The following DICER1 variants were observed in gnomAD, a reference collection of about 807,000 sequenced individuals.
DICER1 encodes the protein endoribonuclease Dicer.
In DICER1, 43 loss-of-function variants were observed where a neutral mutation model predicts 194.1. The ratio of observed to expected loss-of-function variants is 0.22; its 90% CI spans 0.17 to 0.29. The LOEUF is 0.29. Ranked by LOEUF, DICER1 falls within the 10% of genes least tolerant of loss-of-function variation. The pLI, the probability that DICER1 is intolerant of heterozygous loss-of-function variation, is 1.00. For missense variants in DICER1, 1,608 were observed against 2,317.0 expected, an observed-to-expected ratio of 0.69 and a Z score of 6.28; for synonymous variants, 832 against 820.5, an observed-to-expected ratio of 1.01 and a Z score of -0.24.
In DICER1 at chr14:95,094,122, C is replaced by A. The variant is rs769974404; in HGVS notation, c.5130G>T (p.Ala1710=). 6.2e-7 allele frequency: 1 copy of A among 1,614,110 alleles called. No homozygotes were observed. The highest frequency in any genetic ancestry group is 8.5e-7 in the Non-Finnish European group (1 of 1,180,026). The stretch of plus-strand genomic sequence containing the variant: ...GCTTGGTTATGAGGTAGTCCAAAAT[C>A]GCATCTCCCAGGAATTCTAAGCGCT... The part of the protein sequence containing the change: ...CYQRLEFLGD[A]ILDYLITKHL... Residue 1710 remains alanine (A), a synonymous_variant, in exon 24 of 27, where the codon GCG becomes GCT. Transcript: ENST00000343455.
In DICER1 at chr14:95,087,814, C is replaced by A. The variant is rs1889459273; in HGVS notation, c.*2684G>T. 1 of 233,246 alleles carries A rather than the reference C, an allele frequency of 4.3e-6. No homozygotes were observed. The highest frequency in any genetic ancestry group is 5.6e-5 in the Admixed American group (1 of 17,796). The allele number at this position is 233,246 out of a possible 1,614,324, so 14.4% of individuals were successfully genotyped here. A position where few individuals can be genotyped will look rare whatever the true frequency, so the allele number is the denominator to read the frequency against. ...CAGTCCTTTACACACGTGCTCAGGG[C>A]ACAACCACACCCCACTGGTAGGTTT... On this transcript the variant is annotated 3_prime_UTR_variant, in exon 27 of 27. Coordinates refer to ENST00000343455, the MANE Select transcript of DICER1 (RefSeq NM_177438.3).
intron 8 of DICER1, among the ~76,000 whole-genome samples, chr14:95,122,749 T>A (rs529033044): frequency 7.2e-5 from 11 of 152,318 alleles, no homozygotes; most frequent in African/African-American, 2.6e-4. Context: ...CTAATTTAAA[T>A]GTAATTTGGT....
intron 1 of DICER1, among the ~76,000 whole-genome samples, chr14:95,149,030 C>T (rs1895331816): frequency 6.6e-6 from 1 of 151,998 alleles, no homozygotes; most frequent in Admixed American, 6.5e-5. Flanking sequence ...CTCAAGTGAT[C>T]CTGCCATCTC....
At position 95,151,594 on chromosome 14, in the gene DICER1, G is replaced by A. The variant is rs989303081; in HGVS notation, c.-46+5636C>T. 2.6e-5 allele frequency among the ~76,000 whole-genome samples: 4 copies of A among 152,128 alleles called. No homozygotes were observed. The East Asian group carries it at 5.8e-4, about 22-fold the overall frequency. On this transcript the variant is annotated intron_variant, in intron 1 of 26. Transcript: ENST00000343455. ...CGTTGCCATATGCCCAGTGCTCATCGGCTATAAAGTCGAAGAATCAGGATT... is the reference window on the plus strand; with the variant it reads ...CGTTGCCATATGCCCAGTGCTCATCAGCTATAAAGTCGAAGAATCAGGATT...
intron 16 of DICER1, 42 bp from the exon 17 acceptor site, chr14:95,107,803 TAC>T (rs1386276909): frequency 6.2e-7 from 1 of 1,611,336 alleles, no homozygotes; most frequent in Non-Finnish European, 8.5e-7. Flanking sequence ...TAAAACATGA[TAC>T]AGATAAGTTT....
chr14:95,116,213 C>T (rs1278844799), intron 10 of DICER1, among the ~76,000 whole-genome samples: 1 of 152,212 alleles, frequency 6.6e-6, no homozygotes, highest in Non-Finnish European at 1.5e-5. Flanking sequence ...TCCCAAATAA[C>T]ATATGTGATG....
chr14:95,154,431 G>A (rs1006209088), intron 1 of DICER1, among the ~76,000 whole-genome samples: 4 of 152,186 alleles, frequency 2.6e-5, no homozygotes, highest in Admixed American at 2.0e-4. Flanking sequence ...ATTATTCACA[G>A]TAGCCAAAAG....
rs753796042 is a variant in DICER1 at position 95,115,782 on chromosome 14, C to T, written c.1792G>A (p.Glu598Lys). 13 of 1,614,038 alleles carry T rather than the reference C, an allele frequency of 8.1e-6. No individual in the cohort carries two copies. The highest frequency in any genetic ancestry group is 1.1e-5 in the Non-Finnish European group (13 of 1,180,028). ...TCCATGACAGGATCAATGTCAGTCT[C>T]ACCAGTATCAACCGACTTGGAACAC... ...NKCSKSVDTG[E>K]TDIDPVMDDD... is the part of the protein sequence containing the mutation. Residue 598 changes from glutamate (E) to lysine (K), a missense_variant, in exon 11 of 27, where the codon GAG becomes AAG. Physicochemically the swap from Glu to Lys is moderately conservative, Grantham distance 56 (BLOSUM62 1). Around this residue, in one of 10 missense-constraint regions of DICER1, gnomAD observed 657 missense variants for 910.1 expected, o/e 0.72. Transcript: ENST00000343455.
At chr14:95,123,048 T>G (rs1893082078) in intron 8 of DICER1, among the ~76,000 whole-genome samples, 2 of 152,152 alleles carry the variant, frequency 1.3e-5, no homozygotes, top group Admixed American at 1.3e-4. Context: ...GCAGAAAAGT[T>G]AGGGATCAAC....
At position 95,104,094 on chromosome 14, in the gene DICER1, G is replaced by C. The variant is rs779748717; in HGVS notation, c.3302C>G (p.Ser1101Cys). The change falls in exon 21 of 27, where the codon TCT (serine) becomes TGT (cysteine). Residue 1101 changes from serine (S) to cysteine (C), a missense_variant. Coordinates refer to ENST00000343455, the MANE Select transcript of DICER1 (RefSeq NM_177438.3). Reference protein sequence around the residue: ...YPNLDFGWKKSIDSKSFISIS... With the variant: ...YPNLDFGWKKCIDSKSFISIS... The stretch of plus-strand genomic sequence containing the variant: ...TGAGATGAAAGATTTGCTGTCAATA[G>C]ATTTTTTCCACCCGAAGTCTAAGTT... The C allele has an allele frequency of 4.3e-6, 7 of 1,613,770 alleles. No homozygotes were observed. The South Asian group carries it at 7.7e-5, about 18-fold the overall frequency.
At chr14:95,113,322 A>G (rs2140090510) in intron 11 of DICER1, 98 bp from the exon 12 acceptor site, 1 of 1,166,348 alleles carries the variant, frequency 8.6e-7, no homozygotes, top group Non-Finnish European at 1.3e-6. Flanking sequence ...CTTCCCCTCT[A>G]CTGAATTTGT....
intron 8 of DICER1, among the ~76,000 whole-genome samples, chr14:95,123,147 A>C (rs1336015217): frequency 6.6e-6 from 1 of 152,186 alleles, no homozygotes; most frequent in African/African-American, 2.4e-5. Flanking sequence ...AAGAGTATCT[A>C]TCTACAAACC....
intron 8 of DICER1, among the ~76,000 whole-genome samples, chr14:95,120,571 C>G (rs1432424332): frequency 1.3e-5 from 2 of 152,090 alleles, no homozygotes; most frequent in Non-Finnish European, 1.5e-5. Context: ...CCCAGAGCAC[C>G]CTGTGGTATC....
chr14:95,138,336 A>C (rs1377652679), intron 1 of DICER1, among the ~76,000 whole-genome samples: 2 of 151,848 alleles, frequency 1.3e-5, no homozygotes, highest in Non-Finnish European at 2.9e-5. Flanking sequence ...GGAAAAAAAA[A>C]ACAGAGAAAT....
chr14:95,126,846 T>C lies in DICER1; in HGVS notation c.735-98A>G, dbSNP rs554217448. ...GCAAAAAAAAAAAAAAGGGAATAGA[T>C]ACTAAAAAAAAAAAAAAATGCCAGA... On this transcript the variant is annotated intron_variant, in intron 6 of 26. Transcript: ENST00000343455. 91 of 543,450 alleles carry C rather than the reference T, an allele frequency of 1.7e-4. No homozygotes were observed. In the African/African-American group the frequency reaches 1.9e-3, roughly 11 times the overall value. The allele number at this position is 543,450 out of a possible 1,614,324, so 33.7% of individuals were successfully genotyped here. A position where few individuals can be genotyped will look rare whatever the true frequency, so the allele number is the denominator to read the frequency against.
chr14:95,152,716 A>G (rs1173645825), intron 1 of DICER1, among the ~76,000 whole-genome samples: 2 of 152,276 alleles, frequency 1.3e-5, no homozygotes, highest in African/African-American at 4.8e-5. Flanking sequence ...TGCATGTTAA[A>G]GGAGTACCAA....
intron 4 of DICER1, among the ~76,000 whole-genome samples, chr14:95,130,962 C>A (rs1400335489): frequency 2.0e-5 from 3 of 152,184 alleles, no homozygotes; most frequent in Non-Finnish European, 4.4e-5. Flanking sequence ...GTTTTTCAAG[C>A]AAGCAGATCA....
intron 11 of DICER1, among the ~76,000 whole-genome samples, chr14:95,114,259 AAGG>A (rs1351796453): frequency 1.3e-5 from 2 of 152,206 alleles, no homozygotes; most frequent in African/African-American, 4.8e-5. Flanking sequence ...GCCATAAAAC[AAGG>A]AAGTATTCAA....
chr14:95,153,169 A>C (rs1309985424), intron 1 of DICER1, among the ~76,000 whole-genome samples: 1 of 151,270 alleles, frequency 6.6e-6, no homozygotes, highest in Non-Finnish European at 1.5e-5. Context: ...GTGAGCTGAG[A>C]TCGCACCACT....
Sources: allele counts gnomAD v4.1 joint callset (sites outside exome capture counted in the v4.1 genomes callset), GRCh38; gene constraint gnomAD v4.1.1; regional missense constraint gnomAD v4.1.1; transcripts MANE v1.5; gene names NCBI Gene and HGNC (gene_info 2026-07-23, HGNC 2026-07-21).